Variants in DNAH6 observed in about 807,000 individuals in gnomAD.
The protein encoded by DNAH6 is axonemal beta dynein heavy chain 6.
In DNAH6, 340 loss-of-function variants were observed where a neutral mutation model predicts 491.4. That is an observed-to-expected ratio of 0.69 (90% CI 0.63 to 0.76). DNAH6 has a LOEUF of 0.76. Ranked by LOEUF, DNAH6 falls within the 30% of genes least tolerant of loss-of-function variation. The pLI is 0.00. For missense variants in DNAH6, 4,443 were observed against 4,972.2 expected, an observed-to-expected ratio of 0.89 and a Z score of 3.20; for synonymous variants, 1,603 against 1,686.1, an observed-to-expected ratio of 0.95 and a Z score of 1.21.
the DNAH6 span, among the ~76,000 whole-genome samples, chr2:84,502,825 T>A: frequency 6.6e-6 from 1 of 152,188 alleles, no homozygotes; most frequent in Non-Finnish European, 1.5e-5. Flanking sequence ...CTGCTCTTTT[T>A]TTGTTTCTAT....
At chr2:84,497,195 T>C in the DNAH6 span, among the ~76,000 whole-genome samples, 2 of 152,114 alleles carry the variant, frequency 1.3e-5, no homozygotes, top group Non-Finnish European at 2.9e-5. Context: ...GGTCTCAAAC[T>C]CCTGACCTCT....
chr2:84,653,718 T>A lies in DNAH6; in HGVS notation c.5478T>A (p.Asn1826Lys), dbSNP rs1457405438. Residue 1826 changes from asparagine (N) to lysine (K), a missense_variant, in exon 34 of 77, where the codon AAT becomes AAA. Physicochemically the swap from Asn to Lys is moderately conservative, Grantham distance 94 (BLOSUM62 0). This residue lies in a region of DNAH6 where 2,977 missense variants were observed against 3,296.6 expected (regional missense o/e 0.90). Transcript: ENST00000389394. ...LMALSVRAAV[N>K]DTSEDHKWII... ...CACTAAGTGTCCGAGCAGCTGTGAATGATACTTCAGAAGACCATAAATGGA... is the reference window on the plus strand; with the variant it reads ...CACTAAGTGTCCGAGCAGCTGTGAAAGATACTTCAGAAGACCATAAATGGA... The A allele has an allele frequency of 1.3e-6, 2 of 1,551,226 alleles. No homozygotes were observed. The highest frequency in any genetic ancestry group is 1.2e-5 in the South Asian group (1 of 84,050).
At chr2:84,694,867 C>T (rs1379482401) in intron 46 of DNAH6, among the ~76,000 whole-genome samples, 1 of 152,126 alleles carries the variant, frequency 6.6e-6, no homozygotes, top group African/African-American at 2.4e-5. Flanking sequence ...GGTTAAATTA[C>T]CTTTAAAATT....
At chr2:84,762,041 A>G (rs1192384) in intron 63 of DNAH6, among the ~76,000 whole-genome samples, 5,514 of 152,186 alleles carry the variant, frequency 0.036, 151 homozygotes, top group South Asian at 0.063. Flanking sequence ...AAGGCTCCAT[A>G]TGGGTTGGGG....
At chr2:84,587,842 AC>A (rs1358695754) in intron 15 of DNAH6, among the ~76,000 whole-genome samples, 1 of 152,088 alleles carries the variant, frequency 6.6e-6, no homozygotes, top group African/African-American at 2.4e-5. Flanking sequence ...TCTTCATGCT[AC>A]CTTTTGGGCC....
intron 58 of DNAH6, among the ~76,000 whole-genome samples, chr2:84,716,846 C>T (rs1697582395): frequency 6.6e-6 from 1 of 152,176 alleles, no homozygotes; most frequent in South Asian, 2.1e-4. Flanking sequence ...AAAAGGGAAG[C>T]TAACAGCCCT....
rs1197296927 is a variant in DNAH6, at chr2:84,726,223, GT to G, written c.9973-1442del. Among the ~76,000 whole-genome samples the G allele has an allele frequency of 3.9e-5, 6 of 152,286 alleles. No individual in the cohort carries two copies. The South Asian group carries it at 1.2e-3, about 32-fold the overall frequency. ...TTAGTGGGCTTCTAGCTGCCAGTCTGTTTTGATTGGTCTGCCCTCACCATGA... is the reference window on the plus strand; with the variant it reads ...TTAGTGGGCTTCTAGCTGCCAGTCTGTTTGATTGGTCTGCCCTCACCATGA... On this transcript the variant is annotated intron_variant, in intron 60 of 76. Coordinates refer to ENST00000389394, the MANE Select transcript of DNAH6 (RefSeq NM_001370.2).
chr2:84,485,403 T>C, the DNAH6 span, among the ~76,000 whole-genome samples: 1 of 151,984 alleles, frequency 6.6e-6, no homozygotes, highest in African/African-American at 2.4e-5. Context: ...GGAAGGAGAC[T>C]GGGGCCTTTG....
chr2:84,469,830 T>C, the DNAH6 span, among the ~76,000 whole-genome samples: 2 of 152,170 alleles, frequency 1.3e-5, no homozygotes, highest in Non-Finnish European at 1.5e-5. The surrounding 1 kb of genome is among the most constrained non-coding windows in gnomAD (Gnocchi z 4.0). Flanking sequence ...TTTAACATCC[T>C]ATAGTGCCAA....
intron 10 of DNAH6, among the ~76,000 whole-genome samples, chr2:84,555,887 C>T (rs1235287869): frequency 1.3e-5 from 2 of 152,128 alleles, no homozygotes; most frequent in African/African-American, 4.8e-5. Context: ...TGGTTGCACC[C>T]ACTCTGCCAC....
chr2:84,623,612 A>G (rs1687595627), intron 26 of DNAH6, among the ~76,000 whole-genome samples: 1 of 152,210 alleles, frequency 6.6e-6, no homozygotes, highest in Non-Finnish European at 1.5e-5. Context: ...AGAAAAGAGG[A>G]ATGACTCCCT....
At chr2:84,562,897 C>T (rs1199798650) in intron 11 of DNAH6, among the ~76,000 whole-genome samples, 1 of 152,158 alleles carries the variant, frequency 6.6e-6, no homozygotes, top group African/African-American at 2.4e-5. Context: ...CCGTGTTCCA[C>T]CCAAATCTTA....
Position 84,641,983 on chromosome 2 carries a change from TG to T in DNAH6, c.5008del (p.Val1670TrpfsTer3). 1 of 1,550,870 alleles carries T rather than the reference TG, an allele frequency of 6.4e-7. No homozygotes were observed. The highest frequency in any genetic ancestry group is 1.2e-5 in the South Asian group (1 of 83,974). Reference sequence around the variant, plus strand: ...GAGAAAACCCAGACCTAAATGAAGATGTGGTGTTGATAAGAGCTTTACAAGA... The same window carrying T: ...GAGAAAACCCAGACCTAAATGAAGATTGGTGTTGATAAGAGCTTTACAAGA... The part of the protein sequence containing the change: ...KRENPDLNED[V>X]VLIRALQDSN... On this transcript the variant is annotated frameshift_variant, in exon 33 of 77. Coordinates refer to ENST00000389394, the MANE Select transcript of DNAH6 (RefSeq NM_001370.2). LOFTEE classifies it high-confidence loss of function.
intron 64 of DNAH6, chr2:84,777,961 A>C: frequency 1.0e-6 from 1 of 960,784 alleles, no homozygotes; most frequent in Non-Finnish European, 1.7e-6. Flanking sequence ...CACATGCCCA[A>C]GCAGTGATAA....
In DNAH6 at chr2:84,707,730, C is replaced by CT; in HGVS notation, c.9048+17dup. 1 of 1,547,540 alleles carries CT rather than the reference C, an allele frequency of 6.5e-7. No homozygotes were observed. The highest frequency in any genetic ancestry group is 8.7e-7 in the Non-Finnish European group (1 of 1,143,886). On this transcript the variant is annotated intron_variant, in intron 54 of 76. Coordinates refer to ENST00000389394, the MANE Select transcript of DNAH6 (RefSeq NM_001370.2). ...TACAGGCAGTCAGTGAGTAACCCTG[C>CT]TTTCTGTAAGGAGGGGTAAGAAGCA...
At chr2:84,494,742 A>G in the DNAH6 span, among the ~76,000 whole-genome samples, 1 of 152,236 alleles carries the variant, frequency 6.6e-6, no homozygotes, top group Non-Finnish European at 1.5e-5. Context: ...ATCAAAGATG[A>G]GAAACTCACC....
chr2:84,582,894 G>T, intron 14 of DNAH6, among the ~76,000 whole-genome samples: 1 of 152,200 alleles, frequency 6.6e-6, no homozygotes, highest in East Asian at 1.9e-4. Context: ...AATGGCCTCA[G>T]TCCTAACTCT....
chr2:84,514,702 A>G (rs1453760391), upstream of DNAH6, among the ~76,000 whole-genome samples: 1 of 152,208 alleles, frequency 6.6e-6, no homozygotes, highest in African/African-American at 2.4e-5. Flanking sequence ...GCTATACACA[A>G]AGCTGCTACA....
At chr2:84,599,822 A>G (rs947450185) in intron 18 of DNAH6, among the ~76,000 whole-genome samples, 2 of 152,140 alleles carry the variant, frequency 1.3e-5, no homozygotes, top group Non-Finnish European at 2.9e-5. Context: ...CTTCCTTTTT[A>G]CAATTATTTT....
Sources: gnomAD v4.1 joint callset for allele counts (sites outside exome capture counted in the v4.1 genomes callset) on GRCh38, gnomAD v4.1.1 for gene constraint, gnomAD v4.1.1 regional missense constraint, Gnocchi (gnomAD v3.1) non-coding constraint, MANE v1.5 for transcripts, NCBI Gene and HGNC (gene_info 2026-07-23, HGNC 2026-07-21) for gene names.